The following PTPRG variants were observed in gnomAD, a reference collection of about 807,000 sequenced individuals.
PTPRG encodes receptor-type tyrosine-protein phosphatase gamma.
In PTPRG, 102 loss-of-function variants were observed where a neutral mutation model predicts 165.3. The ratio of observed to expected loss-of-function variants is 0.62; its 90% CI spans 0.53 to 0.73. The LOEUF (loss-of-function observed/expected upper bound fraction) is 0.73. Among genes scored for constraint, PTPRG ranks in the 30% least tolerant of loss-of-function variants. PTPRG has a pLI of 0.00. For synonymous variants in PTPRG, 675 were observed against 669.5 expected, an observed-to-expected ratio of 1.01 and a Z score of -0.13; for missense variants, 1,866 against 1,861.4, an observed-to-expected ratio of 1.00 and a Z score of -0.05.
intron 26 of PTPRG, among the ~76,000 whole-genome samples, chr3:62,278,986 A>C (rs1292222531): frequency 6.6e-6 from 1 of 152,046 alleles, no homozygotes; most frequent in Non-Finnish European, 1.5e-5. Flanking sequence ...AAGTGGATAC[A>C]TGTTCTGCAG....
chr3:62,236,793 C>T (rs1316004687), intron 14 of PTPRG, among the ~76,000 whole-genome samples: 1 of 152,172 alleles, frequency 6.6e-6, no homozygotes, highest in East Asian at 1.9e-4. Flanking sequence ...CTCCACCCTG[C>T]CCATGTCCAG....
intron 1 of PTPRG, among the ~76,000 whole-genome samples, chr3:61,686,602 C>T (rs1275676506): frequency 1.3e-5 from 2 of 152,170 alleles, no homozygotes; most frequent in African/African-American, 2.4e-5. Flanking sequence ...AAGGTTATTC[C>T]TTGCATCAGT....
chr3:61,950,444 A>T (rs1211093779), intron 2 of PTPRG, among the ~76,000 whole-genome samples: 1 of 152,204 alleles, frequency 6.6e-6, no homozygotes, highest in African/African-American at 2.4e-5. Flanking sequence ...GTGTTCAATG[A>T]AGTAAATGCT....
intron 4 of PTPRG, among the ~76,000 whole-genome samples, chr3:62,050,080 G>C (rs1700423534): frequency 6.6e-6 from 1 of 152,178 alleles, no homozygotes; most frequent in African/African-American, 2.4e-5. Flanking sequence ...TAGAGAAATT[G>C]TTAAAAGAGG....
chr3:61,763,042 G>A (rs2033904014), intron 2 of PTPRG, among the ~76,000 whole-genome samples: 1 of 152,152 alleles, frequency 6.6e-6, no homozygotes, highest in African/African-American at 2.4e-5. Flanking sequence ...GTTCTTCAAA[G>A]CATCCCACCC....
At chr3:61,701,075 T>A (rs1217379888) in intron 1 of PTPRG, among the ~76,000 whole-genome samples, 1 of 152,150 alleles carries the variant, frequency 6.6e-6, no homozygotes, top group Middle Eastern at 3.2e-3. Flanking sequence ...GCCCTCAATC[T>A]CCCTGCCCTC....
chr3:61,701,450 T>C (rs924473506), intron 1 of PTPRG, among the ~76,000 whole-genome samples: 2 of 152,184 alleles, frequency 1.3e-5, no homozygotes, highest in South Asian at 4.1e-4. Flanking sequence ...ATCTCTACTT[T>C]CATATGATTA....
chr3:61,694,529 C>T (rs1214183528), intron 1 of PTPRG, among the ~76,000 whole-genome samples: 4 of 152,196 alleles, frequency 2.6e-5, no homozygotes, highest in Non-Finnish European at 5.9e-5. Context: ...AATACGCATA[C>T]TTTCTGACTC....
At chr3:61,948,660 G>A (rs2039823982) in intron 2 of PTPRG, among the ~76,000 whole-genome samples, 1 of 152,136 alleles carries the variant, frequency 6.6e-6, no homozygotes, top group Non-Finnish European at 1.5e-5. Flanking sequence ...AAAAGGAAGG[G>A]AGGGATGGAG....
chr3:61,622,339 A>G (rs1337259642), intron 1 of PTPRG, among the ~76,000 whole-genome samples: 1 of 152,204 alleles, frequency 6.6e-6, no homozygotes, highest in East Asian at 1.9e-4. Flanking sequence ...GGGGAGCTGG[A>G]AGGATTTCAG....
intron 4 of PTPRG, among the ~76,000 whole-genome samples, chr3:62,008,317 A>T (rs1358687488): frequency 6.6e-6 from 1 of 152,174 alleles, no homozygotes; most frequent in Non-Finnish European, 1.5e-5. Flanking sequence ...TTAAAATCTT[A>T]TTTATGACAA....
intron 2 of PTPRG, among the ~76,000 whole-genome samples, chr3:61,902,082 C>T (rs1168899008): frequency 6.6e-6 from 1 of 152,156 alleles, no homozygotes; most frequent in African/African-American, 2.4e-5. Flanking sequence ...TAGGTATACA[C>T]TGAATTGTTG....
At chr3:62,086,432 G>A (rs1701755420) in intron 5 of PTPRG, among the ~76,000 whole-genome samples, 1 of 151,998 alleles carries the variant, frequency 6.6e-6, no homozygotes, top group African/African-American at 2.4e-5. Context: ...AACTATTTTT[G>A]AGTCTGAGAA....
intron 2 of PTPRG, among the ~76,000 whole-genome samples, chr3:61,915,766 G>A (rs937920824): frequency 2.6e-5 from 4 of 152,236 alleles, no homozygotes; most frequent in African/African-American, 4.8e-5. Flanking sequence ...GCAAGAAGAC[G>A]CAATCACAGA....
intron 6 of PTPRG, among the ~76,000 whole-genome samples, chr3:62,148,409 C>T (rs1340245954): frequency 6.6e-6 from 1 of 152,096 alleles, no homozygotes; most frequent in East Asian, 1.9e-4. Flanking sequence ...CTAAATGAAC[C>T]AAGAAGCCAC....
chr3:61,991,109 T>C (rs2040877032), intron 3 of PTPRG, among the ~76,000 whole-genome samples: 1 of 152,226 alleles, frequency 6.6e-6, no homozygotes, highest in Non-Finnish European at 1.5e-5. Flanking sequence ...ACAATTCTGC[T>C]TCCTGTGTTA....
chr3:62,259,186 T>C (rs773427886), intron 16 of PTPRG, among the ~76,000 whole-genome samples: 1 of 152,166 alleles, frequency 6.6e-6, no homozygotes, highest in Non-Finnish European at 1.5e-5. Context: ...ACAATCACTT[T>C]AGGAAATGAA....
chr3:61,825,784 T>G (rs959489761), intron 2 of PTPRG, among the ~76,000 whole-genome samples: 22 of 151,566 alleles, frequency 1.5e-4, no homozygotes, highest in Non-Finnish European at 1.3e-4. Flanking sequence ...AGCTGAAGAC[T>G]AGAGCTGTTC....
At chr3:62,081,297 A>T (rs541715979) in intron 5 of PTPRG, among the ~76,000 whole-genome samples, 1 of 150,216 alleles carries the variant, frequency 6.7e-6, no homozygotes, top group Admixed American at 6.6e-5. Flanking sequence ...AACAAACAAA[A>T]ACATAATTTT....
Sources: gnomAD v4.1 joint callset for allele counts (sites outside exome capture counted in the v4.1 genomes callset) on GRCh38, gnomAD v4.1.1 for gene constraint, MANE v1.5 for transcripts, NCBI Gene and HGNC (gene_info 2026-07-23, HGNC 2026-07-21) for gene names.